Variants in PTPRT observed in about 807,000 individuals in gnomAD.
The protein encoded by PTPRT is protein tyrosine phosphatase receptor type T, also known as receptor-type tyrosine-protein phosphatase T.
Under a neutral mutation model 176.8 loss-of-function variants are expected in PTPRT, and 56 were observed. The observed-to-expected ratio is 0.32, with a 90% CI of 0.26 to 0.40. The LOEUF is 0.40. Among genes scored for constraint, PTPRT ranks in the 10% least tolerant of loss-of-function variants. The pLI is 1.00. For missense variants in PTPRT, 1,540 were observed against 1,908.2 expected, an observed-to-expected ratio of 0.81 and a Z score of 3.60; for synonymous variants, 783 against 739.0, an observed-to-expected ratio of 1.06 and a Z score of -0.96.
At chr20:42,965,099 T>A (rs1401300085) in intron 1 of PTPRT, among the ~76,000 whole-genome samples, 2 of 152,200 alleles carry the variant, frequency 1.3e-5, no homozygotes, top group African/African-American at 2.4e-5. Context: ...CTTTTTCATA[T>A]AACCCCACCA....
chr20:42,549,179 A>T (rs1360217715), intron 7 of PTPRT, among the ~76,000 whole-genome samples: 1 of 152,184 alleles, frequency 6.6e-6, no homozygotes, highest in Non-Finnish European at 1.5e-5. Context: ...ATTTGGAGAC[A>T]GTCTGCTCAC....
intron 14 of PTPRT, among the ~76,000 whole-genome samples, chr20:42,243,621 C>T (rs2056397961): frequency 6.6e-6 from 1 of 152,154 alleles, no homozygotes; most frequent in African/African-American, 2.4e-5. Context: ...TTGGGAAAAA[C>T]AAGCCCCAGA....
At chr20:42,351,325 A>T (rs2058280639) in intron 10 of PTPRT, among the ~76,000 whole-genome samples, 2 of 152,206 alleles carry the variant, frequency 1.3e-5, no homozygotes, top group South Asian at 4.1e-4. Context: ...TAACATGTTT[A>T]TTGAAGCGTT....
chr20:42,729,749 G>T (rs2076432686), intron 6 of PTPRT, among the ~76,000 whole-genome samples: 4 of 152,194 alleles, frequency 2.6e-5, no homozygotes, highest in Admixed American at 6.5e-5. Flanking sequence ...ATCTCTTGGG[G>T]AGTGGGCTTG....
chr20:42,860,513 T>C (rs951538340), intron 2 of PTPRT, among the ~76,000 whole-genome samples: 1 of 152,224 alleles, frequency 6.6e-6, no homozygotes, highest in Non-Finnish European at 1.5e-5. Context: ...AGCCTTCCCA[T>C]CCAGAAATGA....
intron 9 of PTPRT, among the ~76,000 whole-genome samples, chr20:42,408,203 G>A (rs1014975281): frequency 6.6e-6 from 1 of 152,038 alleles, no homozygotes; most frequent in Non-Finnish European, 1.5e-5. Context: ...CAAGAAAACT[G>A]TAAAAGTAGG....
chr20:42,926,047 C>T (rs990707670), intron 1 of PTPRT, among the ~76,000 whole-genome samples: 4 of 152,230 alleles, frequency 2.6e-5, no homozygotes, highest in Admixed American at 6.5e-5. Flanking sequence ...GGGCCGTCCC[C>T]TCTCAGGGGG....
chr20:42,611,440 A>G (rs62203823), intron 7 of PTPRT, among the ~76,000 whole-genome samples: 18,186 of 152,190 alleles, frequency 0.12, 2,694 homozygotes, highest in African/African-American at 0.35. Flanking sequence ...TACCATCCCA[A>G]TGTACAGATC....
At chr20:42,433,740 T>A (rs2059236631) in intron 9 of PTPRT, among the ~76,000 whole-genome samples, 1 of 152,178 alleles carries the variant, frequency 6.6e-6, no homozygotes, top group Non-Finnish European at 1.5e-5. Flanking sequence ...CTCCATTAGA[T>A]CCATGTCTAC....
At chr20:42,194,649 TAAC>T (rs1991130264) in intron 16 of PTPRT, among the ~76,000 whole-genome samples, 1 of 151,836 alleles carries the variant, frequency 6.6e-6, no homozygotes, top group South Asian at 2.1e-4. Flanking sequence ...CAGAGAAAAA[TAAC>T]AAGTACACAG....
At chr20:42,851,641 C>A (rs964296698) in intron 2 of PTPRT, among the ~76,000 whole-genome samples, 1 of 152,148 alleles carries the variant, frequency 6.6e-6, no homozygotes, top group Non-Finnish European at 1.5e-5. Context: ...CAGGGGTCAG[C>A]AAATATTTTT....
chr20:43,027,797 C>A (rs1262794985), intron 1 of PTPRT, among the ~76,000 whole-genome samples: 1 of 152,152 alleles, frequency 6.6e-6, no homozygotes, highest in Non-Finnish European at 1.5e-5. Flanking sequence ...GTGTAACTCA[C>A]TTCTATTACC....
In PTPRT at chr20:42,077,933, A is replaced by G. The variant is rs74657984; in HGVS notation, c.*2946T>C. ...CTATTTCACCCCTTCCTGAGCAGAA[A>G]AAAATCTTAGGATTTGTGTTAAATA... is the stretch of plus-strand genomic sequence containing the variant. On this transcript the variant is annotated 3_prime_UTR_variant, in exon 31 of 31. Coordinates refer to ENST00000373187, the MANE Select transcript of PTPRT (RefSeq NM_007050.6). The G allele has an allele frequency of 7.6e-3, 1,538 of 201,896 alleles. 25 individuals are homozygous for G. The highest frequency in any genetic ancestry group is 0.033 in the African/African-American group (1,421 of 43,700). The allele number at this position is 201,896 out of a possible 1,614,324, so 12.5% of individuals were successfully genotyped here. A position where few individuals can be genotyped will look rare whatever the true frequency, so the allele number is the denominator to read the frequency against.
chr20:42,896,177 T>C (rs1229748700), intron 1 of PTPRT, among the ~76,000 whole-genome samples: 1 of 152,038 alleles, frequency 6.6e-6, no homozygotes, highest in South Asian at 2.1e-4. Context: ...CAGGAGTGGA[T>C]GATGCACTCA....
At chr20:42,270,353 TG>T in intron 13 of PTPRT, 1 of 1,510,176 alleles carries the variant, frequency 6.6e-7, no homozygotes, top group Non-Finnish European at 9.0e-7. Flanking sequence ...CCACTGAGTG[TG>T]GGCAACTCTC....
intron 1 of PTPRT, among the ~76,000 whole-genome samples, chr20:43,011,924 C>T (rs916208927): frequency 1.3e-5 from 2 of 152,182 alleles, no homozygotes; most frequent in Admixed American, 1.3e-4. Context: ...GAGCTGGATG[C>T]TTCCTGCCCT....
chr20:42,794,557 G>A (rs6030474), intron 2 of PTPRT, among the ~76,000 whole-genome samples: 69 of 152,276 alleles, frequency 4.5e-4, no homozygotes, highest in African/African-American at 1.6e-3. Flanking sequence ...GCCTAGGAGA[G>A]GGCAGTGCAC....
intron 18 of PTPRT, among the ~76,000 whole-genome samples, chr20:42,140,011 T>C (rs1988549719): frequency 6.6e-6 from 1 of 152,268 alleles, no homozygotes; most frequent in Admixed American, 6.5e-5. Context: ...AAATTATAAA[T>C]GTTTTCTGAT....
At chr20:42,716,804 G>A (rs1004410333) in intron 6 of PTPRT, among the ~76,000 whole-genome samples, 3 of 151,960 alleles carry the variant, frequency 2.0e-5, no homozygotes, top group African/African-American at 4.8e-5. Flanking sequence ...CAACAATGAT[G>A]GACTGGATTA....
Sources: gnomAD v4.1 joint callset for allele counts (sites outside exome capture counted in the v4.1 genomes callset) on GRCh38, gnomAD v4.1.1 for gene constraint, MANE v1.5 for transcripts, NCBI Gene and HGNC (gene_info 2026-07-23, HGNC 2026-07-21) for gene names.